MDGA2: variants seen among roughly 807,000 people sequenced by gnomAD.
MDGA2 encodes the protein MAM domain-containing glycosylphosphatidylinositol anchor protein 2.
MDGA2 carries 40 observed loss-of-function variants against 117.8 expected under a neutral mutation model. The observed-to-expected ratio is 0.34, with a 90% CI of 0.26 to 0.44. The LOEUF is 0.44. MDGA2 is among the 20% of genes least tolerant of loss of function. The probability of loss-of-function intolerance (pLI) is 1.00; values close to 1 mark genes in which losing one functional copy is unlikely to be tolerated. For synonymous variants in MDGA2, 452 were observed against 439.0 expected, an observed-to-expected ratio of 1.03 and a Z score of -0.37; for missense variants, 1,123 against 1,250.6, an observed-to-expected ratio of 0.90 and a Z score of 1.54.
chr14:46,936,995 C>T (rs1884806334), intron 9 of MDGA2, among the ~76,000 whole-genome samples: 1 of 151,874 alleles, frequency 6.6e-6, no homozygotes, highest in South Asian at 2.1e-4. Flanking sequence ...GAAAAGAGGT[C>T]AAATTGTCCC....
chr14:47,234,479 G>A (rs751857304), intron 2 of MDGA2, among the ~76,000 whole-genome samples: 5 of 151,966 alleles, frequency 3.3e-5, no homozygotes, highest in Admixed American at 6.6e-5. Context: ...TCAGTATTCC[G>A]AATGCACATC....
At chr14:46,857,745 C>T (rs2138309459) in intron 14 of MDGA2, among the ~76,000 whole-genome samples, 2 of 152,222 alleles carry the variant, frequency 1.3e-5, no homozygotes, top group African/African-American at 4.8e-5. Flanking sequence ...GCCTCAAACT[C>T]CTGGGCTCAA....
At chr14:47,627,090 A>G (rs1218977758) in intron 1 of MDGA2, among the ~76,000 whole-genome samples, 1 of 152,134 alleles carries the variant, frequency 6.6e-6, no homozygotes, top group East Asian at 1.9e-4. Flanking sequence ...TATCTAGTTC[A>G]TCTGGTGGGG....
intron 3 of MDGA2, among the ~76,000 whole-genome samples, chr14:47,152,017 C>G (rs1883182549): frequency 6.6e-6 from 1 of 151,844 alleles, no homozygotes; most frequent in Non-Finnish European, 1.5e-5. Context: ...CAGTAGCTAC[C>G]CCTTTATAAC....
Position 47,518,654 on chromosome 14 carries a change from A to C in MDGA2, c.280+155863T>G, listed in dbSNP as rs1036588459. On this transcript the variant is annotated intron_variant, in intron 1 of 16. Transcript: ENST00000399232. The stretch of plus-strand genomic sequence containing the variant: ...TATAACATTAGATATCTTTATAGGG[A>C]AACATTTTAAAAAGAAAGTTGGATG... Among the ~76,000 whole-genome samples, 227 of 152,220 alleles carry C rather than the reference A, an allele frequency of 1.5e-3. 1 individual carries two copies. The highest frequency in any genetic ancestry group is 5.3e-3 in the African/African-American group (222 of 41,534).
At position 46,840,794 on chromosome 14, in the gene MDGA2, CCTTT is replaced by C. The variant is rs1410576951; in HGVS notation, c.*1133_*1136del. On this transcript the variant is annotated 3_prime_UTR_variant, in exon 17 of 17. Coordinates refer to ENST00000399232, the MANE Select transcript of MDGA2 (RefSeq NM_001113498.3). ...CTTCTGCACTAAGTATTCTTAATAA[CCTTT>C]TGCTCTGGTTGACCCATTTAATAAC... The C allele has an allele frequency of 7.9e-5, 12 of 152,536 alleles. No individual in the cohort carries two copies. Among genetic ancestry groups the C allele is most frequent in the Non-Finnish European group, 1.3e-4 (9 of 68,018 alleles). 9.4% of individuals were successfully genotyped at this position (152,536 alleles called of 1,614,324 possible). A position where few individuals can be genotyped will look rare whatever the true frequency, so the allele number is the denominator to read the frequency against.
intron 8 of MDGA2, among the ~76,000 whole-genome samples, chr14:47,019,808 C>T (rs571069157): frequency 3.4e-5 from 5 of 146,918 alleles, no homozygotes; most frequent in South Asian, 2.2e-4. Flanking sequence ...TGCACCACTC[C>T]AGCCGGGGCG....
chr14:46,958,283 C>G (rs879342019), intron 8 of MDGA2, among the ~76,000 whole-genome samples: 3 of 151,630 alleles, frequency 2.0e-5, no homozygotes, highest in Non-Finnish European at 4.4e-5. Context: ...TACAAAGGTA[C>G]AAAATCTGAA....
intron 2 of MDGA2, among the ~76,000 whole-genome samples, chr14:47,278,360 A>G (rs1194943271): frequency 1.3e-5 from 2 of 151,162 alleles, no homozygotes; most frequent in East Asian, 3.9e-4. Flanking sequence ...CATACAATGT[A>G]TAGTGATCAG....
chr14:47,388,657 T>C (rs1000486750), intron 1 of MDGA2, among the ~76,000 whole-genome samples: 1 of 152,118 alleles, frequency 6.6e-6, no homozygotes, highest in African/African-American at 2.4e-5. Context: ...TGAACAGATG[T>C]AGAAAATTAG....
intron 2 of MDGA2, among the ~76,000 whole-genome samples, chr14:47,229,088 C>T (rs959101133): frequency 6.6e-6 from 1 of 152,146 alleles, no homozygotes; most frequent in South Asian, 2.1e-4. Flanking sequence ...TCAGAGATGC[C>T]AGCCAAAGGC....
chr14:47,219,688 G>A (rs1172130771), intron 2 of MDGA2, among the ~76,000 whole-genome samples: 2 of 151,896 alleles, frequency 1.3e-5, no homozygotes, highest in Non-Finnish European at 2.9e-5. Context: ...CTAAACGATA[G>A]GTGGTTATAA....
Position 47,435,704 on chromosome 14 carries a change from A to T in MDGA2, c.281-134154T>A, listed in dbSNP as rs141481943. Among the ~76,000 whole-genome samples, 709 of 152,236 alleles carry T rather than the reference A, an allele frequency of 4.7e-3. 3 individuals are homozygous for T. Among genetic ancestry groups the T allele is most frequent in the Non-Finnish European group, 5.9e-3 (401 of 67,986 alleles). ...TATTAAAGGCTTATTGAAAAATGCT[A>T]GTCCTGCCAAACCTCTCTTGTACTG... On this transcript the variant is annotated intron_variant, in intron 1 of 16. Coordinates refer to ENST00000399232, the MANE Select transcript of MDGA2 (RefSeq NM_001113498.3).
At chr14:47,607,535 A>T (rs915859493) in intron 1 of MDGA2, among the ~76,000 whole-genome samples, 8 of 152,154 alleles carry the variant, frequency 5.3e-5, no homozygotes, top group African/African-American at 1.9e-4. Flanking sequence ...AAATGGTTCA[A>T]ATTGTATGGT....
chr14:47,214,180 A>C (rs1227267414), intron 3 of MDGA2, among the ~76,000 whole-genome samples: 1 of 152,110 alleles, frequency 6.6e-6, no homozygotes, highest in African/African-American at 2.4e-5. Context: ...TTGTGTGGGC[A>C]TGGGGGAAAC....
intron 3 of MDGA2, among the ~76,000 whole-genome samples, chr14:47,165,228 T>C (rs1256118199): frequency 6.6e-6 from 1 of 152,106 alleles, no homozygotes; most frequent in African/African-American, 2.4e-5. Flanking sequence ...TGTGCACATG[T>C]ACCCTAGTAC....
intron 1 of MDGA2, among the ~76,000 whole-genome samples, chr14:47,489,898 CT>C (rs1894134746): frequency 1.3e-5 from 2 of 152,068 alleles, no homozygotes; most frequent in Admixed American, 1.3e-4. Context: ...TAGTGAATCA[CT>C]TTCTGAAAAC....
intron 8 of MDGA2, among the ~76,000 whole-genome samples, chr14:46,968,005 CCGAA>C (rs1192043739): frequency 6.6e-6 from 1 of 152,074 alleles, no homozygotes; most frequent in East Asian, 1.9e-4. Context: ...CTTCAATAAT[CCGAA>C]GCATGAGAAA....
Position 47,052,694 on chromosome 14 carries a change from T to C in MDGA2, c.1525+8555A>G, listed in dbSNP as rs185053147. Among the ~76,000 whole-genome samples, 14 of 152,014 alleles carry C rather than the reference T, an allele frequency of 9.2e-5. No homozygotes were observed. The East Asian group carries it at 2.7e-3, about 29-fold the overall frequency. ...AACTAACGATGTTTTAAATAATCCC[T>C]TTCACTCCTTTAAATGGTCTTCTTG... On this transcript the variant is annotated intron_variant, in intron 7 of 16. Coordinates refer to ENST00000399232, the MANE Select transcript of MDGA2 (RefSeq NM_001113498.3).
Sources: allele counts gnomAD v4.1 joint callset (sites outside exome capture counted in the v4.1 genomes callset), GRCh38; gene constraint gnomAD v4.1.1; transcripts MANE v1.5; gene names NCBI Gene and HGNC (gene_info 2026-07-23, HGNC 2026-07-21).